ASTN2: variants seen among roughly 807,000 people sequenced by gnomAD.
The protein encoded by ASTN2 is astrotactin 2.
Under a neutral mutation model 139.8 loss-of-function variants are expected in ASTN2, and 54 were observed. The observed-to-expected ratio is 0.39, with a 90% CI of 0.31 to 0.48. ASTN2 has a LOEUF of 0.48. Among genes scored for constraint, ASTN2 ranks in the 20% least tolerant of loss-of-function variants. The pLI is 0.95. For synonymous variants in ASTN2, 756 were observed against 719.5 expected, an observed-to-expected ratio of 1.05 and a Z score of -0.81; for missense variants, 1,565 against 1,725.1, an observed-to-expected ratio of 0.91 and a Z score of 1.64.
intron 13 of ASTN2, among the ~76,000 whole-genome samples, chr9:116,747,006 C>G (rs554353495): frequency 2.2e-4 from 33 of 152,314 alleles, no homozygotes; most frequent in African/African-American, 7.9e-4. Flanking sequence ...CCGCGATCTC[C>G]CTCCCATGGG....
intron 13 of ASTN2, among the ~76,000 whole-genome samples, chr9:116,735,507 T>C (rs1828903836): frequency 6.6e-6 from 1 of 152,202 alleles, no homozygotes; most frequent in African/African-American, 2.4e-5. Context: ...TCAACCAGCA[T>C]GCACTGAGCA....
chr9:116,734,316 T>C (rs940773211), intron 13 of ASTN2, among the ~76,000 whole-genome samples: 1 of 152,118 alleles, frequency 6.6e-6, no homozygotes, highest in Non-Finnish European at 1.5e-5. Flanking sequence ...GTGAACAAAG[T>C]TCTGAGAGGA....
chr9:116,729,116 G>A lies in ASTN2; in HGVS notation c.2522-20C>T. On this transcript the variant is annotated intron_variant, in intron 14 of 22. Coordinates refer to ENST00000313400, the MANE Select transcript of ASTN2 (RefSeq NM_001365068.1). ...TATCTCCTGGGAGAGAAAATAAGATGGTCACGTGAGCCCAGAATTAAGACG... is the reference window on the plus strand; with the variant it reads ...TATCTCCTGGGAGAGAAAATAAGATAGTCACGTGAGCCCAGAATTAAGACG... The A allele has an allele frequency of 7.1e-6, 11 of 1,543,024 alleles. No homozygotes were observed. The highest frequency in any genetic ancestry group is 9.7e-6 in the Non-Finnish European group (11 of 1,135,956).
intron 17 of ASTN2, among the ~76,000 whole-genome samples, chr9:116,628,597 G>A (rs1327857128): frequency 1.3e-5 from 2 of 152,142 alleles, no homozygotes; most frequent in Non-Finnish European, 2.9e-5. Flanking sequence ...AATAAGCAGA[G>A]CACAAAGGAC....
chr9:116,560,114 A>G (rs1852830640), intron 19 of ASTN2, among the ~76,000 whole-genome samples: 1 of 152,186 alleles, frequency 6.6e-6, no homozygotes, highest in African/African-American at 2.4e-5. Context: ...GTGGGTTGCA[A>G]TTAACATTGT....
intron 3 of ASTN2, among the ~76,000 whole-genome samples, chr9:117,149,506 A>G (rs116645596): frequency 0.024 from 3,625 of 152,024 alleles, 141 homozygotes; most frequent in African/African-American, 0.078. Context: ...ATGCAACCTC[A>G]GTTTGTGTCC....
At chr9:116,767,392 C>A (rs1007238516) in intron 13 of ASTN2, among the ~76,000 whole-genome samples, 2 of 152,186 alleles carry the variant, frequency 1.3e-5, no homozygotes, top group Non-Finnish European at 2.9e-5. Flanking sequence ...AGCATGCCAC[C>A]CAGAGACAGG....
chr9:117,328,638 T>C (rs1456551807), intron 1 of ASTN2, among the ~76,000 whole-genome samples: 1 of 152,180 alleles, frequency 6.6e-6, no homozygotes, highest in Non-Finnish European at 1.5e-5. Flanking sequence ...AGGGACTGCT[T>C]AGTGGCCTCA....
chr9:117,338,619 G>A (rs937299180), intron 1 of ASTN2, among the ~76,000 whole-genome samples: 10 of 152,052 alleles, frequency 6.6e-5, no homozygotes, highest in African/African-American at 2.4e-4. Flanking sequence ...ACAAAATAGG[G>A]GAAGGTGCTT....
At chr9:117,190,408 G>A (rs1053641216) in intron 3 of ASTN2, among the ~76,000 whole-genome samples, 1 of 152,116 alleles carries the variant, frequency 6.6e-6, no homozygotes, top group Non-Finnish European at 1.5e-5. Context: ...CCTCGCTTCT[G>A]AGTTGCAACT....
chr9:117,053,267 C>T (rs1474406793), intron 5 of ASTN2, among the ~76,000 whole-genome samples: 1 of 152,006 alleles, frequency 6.6e-6, no homozygotes, highest in African/African-American at 2.4e-5. Context: ...GCCTGGGCAA[C>T]ATAGCAAGAC....
chr9:116,515,140 C>A (rs912539784), intron 19 of ASTN2, among the ~76,000 whole-genome samples: 3 of 152,198 alleles, frequency 2.0e-5, no homozygotes, highest in African/African-American at 7.2e-5. Flanking sequence ...TTGGAACTGC[C>A]CTATCTCTGA....
intron 16 of ASTN2, among the ~76,000 whole-genome samples, chr9:116,672,627 C>T (rs1859265490): frequency 6.6e-6 from 1 of 152,180 alleles, no homozygotes; most frequent in African/African-American, 2.4e-5. Flanking sequence ...ATTAAGTCAT[C>T]AAACACTCAC....
chr9:116,685,465 G>A (rs1860146507), intron 16 of ASTN2, among the ~76,000 whole-genome samples: 1 of 152,176 alleles, frequency 6.6e-6, no homozygotes. Flanking sequence ...CTCTGTCTAG[G>A]CAGTGGGCAA....
At chr9:116,429,803 C>G (rs1847438235) in intron 22 of ASTN2, among the ~76,000 whole-genome samples, 1 of 152,162 alleles carries the variant, frequency 6.6e-6, no homozygotes, top group African/African-American at 2.4e-5. Flanking sequence ...GGTTGAGGAA[C>G]ACTACGTATG....
intron 10 of ASTN2, among the ~76,000 whole-genome samples, chr9:116,970,806 C>T (rs550338906): frequency 7.2e-5 from 11 of 152,272 alleles, no homozygotes; most frequent in South Asian, 4.1e-4. Context: ...ATTTCATTTT[C>T]GTTGATTTGA....
At chr9:116,615,178 C>G (rs1016402929) in intron 19 of ASTN2, among the ~76,000 whole-genome samples, 2 of 152,116 alleles carry the variant, frequency 1.3e-5, no homozygotes, top group African/African-American at 4.8e-5. Flanking sequence ...CAATGAGATA[C>G]CATCTCACAC....
At chr9:116,640,646 T>C (rs1397520103) in intron 17 of ASTN2, among the ~76,000 whole-genome samples, 1 of 152,164 alleles carries the variant, frequency 6.6e-6, no homozygotes, top group Non-Finnish European at 1.5e-5. Flanking sequence ...GAAGACAAGA[T>C]GAGTTTTAAG....
intron 3 of ASTN2, among the ~76,000 whole-genome samples, chr9:117,185,114 T>C (rs1032588618): frequency 1.3e-5 from 2 of 152,192 alleles, no homozygotes; most frequent in African/African-American, 4.8e-5. Flanking sequence ...CAGAAAGCCC[T>C]GACGTTATAG....
Sources: allele counts gnomAD v4.1 joint callset (sites outside exome capture counted in the v4.1 genomes callset), GRCh38; gene constraint gnomAD v4.1.1; transcripts MANE v1.5; gene names NCBI Gene and HGNC (gene_info 2026-07-23, HGNC 2026-07-21).